TSPAN18: variants seen among roughly 807,000 people sequenced by gnomAD.
TSPAN18 encodes tetraspanin-18.
In TSPAN18, 14 loss-of-function variants were observed where a neutral mutation model predicts 27.3. The observed-to-expected ratio is 0.51, with a 90% CI of 0.34 to 0.80. The LOEUF is 0.80. TSPAN18 is among the 30% of genes least tolerant of loss of function. TSPAN18 has a pLI of 0.01. For synonymous variants in TSPAN18, 143 were observed against 136.5 expected, an observed-to-expected ratio of 1.05 and a Z score of -0.33; for missense variants, 268 against 323.9, an observed-to-expected ratio of 0.83 and a Z score of 1.32.
At chr11:44,872,863 C>T (rs974532934) in intron 3 of TSPAN18, among the ~76,000 whole-genome samples, 2 of 152,156 alleles carry the variant, frequency 1.3e-5, no homozygotes, top group Non-Finnish European at 2.9e-5. Flanking sequence ...GCCACCTGCC[C>T]AGCCTGGGCA....
At chr11:44,787,359 A>G (rs190521162) in intron 2 of TSPAN18, among the ~76,000 whole-genome samples, 1 of 152,220 alleles carries the variant, frequency 6.6e-6, no homozygotes, top group East Asian at 1.9e-4. Flanking sequence ...GAGTCACCTT[A>G]TGTGGATTCC....
chr11:44,790,572 G>A (rs1042373887), intron 2 of TSPAN18, among the ~76,000 whole-genome samples: 9 of 151,144 alleles, frequency 6.0e-5, no homozygotes, highest in Admixed American at 5.9e-4. Context: ...TCGTGTGTGT[G>A]TGCATGTGTG....
At chr11:44,902,865 C>T (rs1345708979) in intron 3 of TSPAN18, among the ~76,000 whole-genome samples, 1 of 152,158 alleles carries the variant, frequency 6.6e-6, no homozygotes, top group East Asian at 1.9e-4. Context: ...CAGGAGAACA[C>T]GACTGTGGGT....
chr11:44,811,629 T>G (rs1247784085), intron 2 of TSPAN18, among the ~76,000 whole-genome samples: 1 of 151,956 alleles, frequency 6.6e-6, no homozygotes, highest in Non-Finnish European at 1.5e-5. Flanking sequence ...CTGGCTAATT[T>G]TTTTGTATTT....
At chr11:44,760,700 A>G (rs926538044) in intron 1 of TSPAN18, among the ~76,000 whole-genome samples, 3 of 152,200 alleles carry the variant, frequency 2.0e-5, no homozygotes, top group Admixed American at 2.0e-4. Context: ...AGAAGCTCTA[A>G]CTTTTGAGCC....
At chr11:44,872,959 G>A (rs1858235861) in intron 3 of TSPAN18, among the ~76,000 whole-genome samples, 1 of 152,198 alleles carries the variant, frequency 6.6e-6, no homozygotes, top group Non-Finnish European at 1.5e-5. Context: ...GGCAGACCCA[G>A]GGAACTGTCA....
chr11:44,914,696 G>T (rs1191575477), intron 5 of TSPAN18, among the ~76,000 whole-genome samples: 1 of 152,314 alleles, frequency 6.6e-6, no homozygotes, highest in African/African-American at 2.4e-5. Context: ...AGCTTGGGCC[G>T]AGTACTGTTC....
At chr11:44,917,172 G>C (rs538498372) in intron 5 of TSPAN18, among the ~76,000 whole-genome samples, 7 of 152,366 alleles carry the variant, frequency 4.6e-5, no homozygotes, top group African/African-American at 1.4e-4. Context: ...GAGCCCAGGA[G>C]AGGGAGGGTT....
intron 8 of TSPAN18, chr11:44,926,330 G>C (rs1211767039): frequency 4.1e-6 from 1 of 243,228 alleles, no homozygotes; most frequent in Non-Finnish European, 8.0e-6. Context: ...TCCCCTTGCT[G>C]GTTCTTCTGA....
At chr11:44,863,628 G>C (rs770127494) in intron 3 of TSPAN18, among the ~76,000 whole-genome samples, 24 of 152,220 alleles carry the variant, frequency 1.6e-4, no homozygotes, top group Non-Finnish European at 2.9e-4. Flanking sequence ...GAAGTTGGGA[G>C]ACTTGGGTCC....
intron 1 of TSPAN18, among the ~76,000 whole-genome samples, chr11:44,751,879 A>G (rs1478684291): frequency 6.6e-6 from 1 of 151,852 alleles, no homozygotes; most frequent in Admixed American, 6.6e-5. Flanking sequence ...ATGAGTCAAG[A>G]TCACACCACC....
At chr11:44,788,457 T>C (rs567160029) in intron 2 of TSPAN18, among the ~76,000 whole-genome samples, 24 of 83,418 alleles carry the variant, frequency 2.9e-4, no homozygotes, top group Admixed American at 2.4e-3. Flanking sequence ...TTTTTTTCTC[T>C]TTTTTTTTTT....
intron 2 of TSPAN18, among the ~76,000 whole-genome samples, chr11:44,774,047 A>G (rs4755892): frequency 6.6e-6 from 1 of 151,958 alleles, no homozygotes; most frequent in African/African-American, 2.4e-5. Flanking sequence ...TAGCCCATGG[A>G]GGCAGCTGTT....
At chr11:44,795,851 T>C (rs1016796561) in intron 2 of TSPAN18, among the ~76,000 whole-genome samples, 2 of 152,064 alleles carry the variant, frequency 1.3e-5, no homozygotes, top group East Asian at 1.9e-4. Context: ...ACCAAGGACC[T>C]TTGGAGGCTT....
In TSPAN18 at chr11:44,820,425, C is replaced by T. The variant is rs576766145; in HGVS notation, c.-152-39903C>T. 2.4e-4 allele frequency among the ~76,000 whole-genome samples: 36 copies of T among 152,192 alleles called. 1 individual carries two copies. Among genetic ancestry groups the T allele is most frequent in the Non-Finnish European group, 4.4e-4 (30 of 68,038 alleles). On this transcript the variant is annotated intron_variant, in intron 2 of 9. Transcript: ENST00000520358. Reference sequence around the variant, plus strand: ...GGCAAGTGGACAGGGTCATATGGTGCACTGTCCACTTCTCAGAAGCTATGG... The same window carrying T: ...GGCAAGTGGACAGGGTCATATGGTGTACTGTCCACTTCTCAGAAGCTATGG...
intron 1 of TSPAN18, among the ~76,000 whole-genome samples, 152 bp from the exon 2 acceptor site, chr11:44,764,274 T>C (rs1247492680): frequency 6.6e-6 from 1 of 152,174 alleles, no homozygotes; most frequent in Non-Finnish European, 1.5e-5. Flanking sequence ...TCAAACCATA[T>C]CACCAGTCAT....
intron 2 of TSPAN18, among the ~76,000 whole-genome samples, chr11:44,848,127 C>T (rs1482230134): frequency 6.6e-6 from 1 of 152,188 alleles, no homozygotes; most frequent in African/African-American, 2.4e-5. Flanking sequence ...TGAGCCACTG[C>T]ACCCAGCCTC....
At position 44,785,010 on chromosome 11, in the gene TSPAN18, A is replaced by G. The variant is rs559838815; in HGVS notation, c.-153+20498A>G. On this transcript the variant is annotated intron_variant, in intron 2 of 9. Transcript: ENST00000520358. The stretch of plus-strand genomic sequence containing the variant: ...TGTATCATTAAGAATATCTATGGTG[A>G]TTTTAATCATCCCTAACCACGGTAA... 2.6e-5 allele frequency among the ~76,000 whole-genome samples: 4 copies of G among 152,328 alleles called. No individual in the cohort carries two copies. The East Asian group carries it at 7.7e-4, about 29-fold the overall frequency.
At position 44,751,869 on chromosome 11, in the gene TSPAN18, A is replaced by G. The variant is rs555626622; in HGVS notation, c.-239-12557A>G. On this transcript the variant is annotated intron_variant, in intron 1 of 9. Transcript: ENST00000520358. ...TTGAACCTGGGAGGCGGAGGTTTCA[A>G]TGAGTCAAGATCACACCACCGCACT... 8.6e-5 allele frequency among the ~76,000 whole-genome samples: 13 copies of G among 151,932 alleles called. No individual in the cohort carries two copies. In the South Asian group the frequency reaches 1.5e-3, roughly 17 times the overall value.
Sources: allele counts gnomAD v4.1 joint callset (sites outside exome capture counted in the v4.1 genomes callset), GRCh38; gene constraint gnomAD v4.1.1; transcripts MANE v1.5; gene names NCBI Gene and HGNC (gene_info 2026-07-23, HGNC 2026-07-21).